LHX8: variants seen among roughly 807,000 people sequenced by gnomAD.
LHX8 encodes the protein LIM/homeobox protein Lhx8.
LHX8 carries 12 observed loss-of-function variants against 40.3 expected under a neutral mutation model. That is an observed-to-expected ratio of 0.30 (90% CI 0.19 to 0.48). The LOEUF is 0.48. Among genes scored for constraint, LHX8 ranks in the 20% least tolerant of loss-of-function variants. The pLI is 0.99. For synonymous variants in LHX8, 179 were observed against 162.0 expected (o/e 1.10, Z -0.80); for missense variants, 344 against 433.7 (o/e 0.79, Z 1.84).
At chr1:75,178,856 G>A in the LHX8 span, among the ~76,000 whole-genome samples, 1 of 152,196 alleles carries the variant, frequency 6.6e-6, no homozygotes, top group African/African-American at 2.4e-5. Flanking sequence ...TTCTCCCAGA[G>A]ATTCTGATAC....
chr1:75,179,708 A>T, the LHX8 span, among the ~76,000 whole-genome samples: 1 of 151,936 alleles, frequency 6.6e-6, no homozygotes, highest in Non-Finnish European at 1.5e-5. Flanking sequence ...TAATATTGTT[A>T]TGTGTGAATT....
downstream of LHX8, among the ~76,000 whole-genome samples, chr1:75,165,980 GA>G (rs534630397): frequency 2.8e-4 from 43 of 152,262 alleles, 1 homozygote; most frequent in Admixed American, 5.9e-4. Flanking sequence ...ACAGTAAAAG[GA>G]AAGTTTTTAT....
chr1:75,174,538 C>T, the LHX8 span, among the ~76,000 whole-genome samples: 8 of 152,296 alleles, frequency 5.3e-5, no homozygotes, highest in East Asian at 5.8e-4. Flanking sequence ...CACACACACA[C>T]GCCACAGCCA....
At position 75,161,392 on chromosome 1, in the gene LHX8, A is replaced by G. The variant is rs1648915059; in HGVS notation, c.*497A>G. The G allele has an allele frequency of 5.9e-6, 1 of 168,978 alleles. No homozygotes were observed. The highest frequency in any genetic ancestry group is 1.3e-5 in the Non-Finnish European group (1 of 78,664). The allele number at this position is 168,978 out of a possible 1,614,324, so 10.5% of individuals were successfully genotyped here. ...TTGCCAATGTTTTCTGAATGAACTG[A>G]ATAAAGCTTCTGTTGTAGCATGCCA... is the stretch of plus-strand genomic sequence containing the variant. On this transcript the variant is annotated 3_prime_UTR_variant, in exon 9 of 9. Transcript: ENST00000356261.
intron 4 of LHX8, 124 bp from the exon 5 acceptor site, chr1:75,142,994 C>T (rs1289142913): frequency 2.6e-6 from 2 of 757,490 alleles, no homozygotes; most frequent in South Asian, 1.6e-5. Context: ...TTGTTTCATT[C>T]TCACAATATT....
upstream of LHX8, chr1:75,130,432 G>T (rs1647931852): frequency 1.8e-6 from 1 of 548,932 alleles, no homozygotes; most frequent in African/African-American, 1.9e-5. Context: ...CGGGGCGGGT[G>T]GCGAAGGCAG....
intron 8 of LHX8, among the ~76,000 whole-genome samples, chr1:75,158,717 T>G (rs536708610): frequency 6.6e-6 from 1 of 152,170 alleles, no homozygotes; most frequent in Non-Finnish European, 1.5e-5. Flanking sequence ...GTCTATTTAT[T>G]TTTGTGTTGC....
At chr1:75,135,856 C>G (rs889996133) in intron 1 of LHX8, among the ~76,000 whole-genome samples, 2 of 152,126 alleles carry the variant, frequency 1.3e-5, no homozygotes, top group African/African-American at 4.8e-5. Context: ...CCTTTAGTAG[C>G]TCAAATGTTG....
chr1:75,134,523 T>C lies in LHX8; in HGVS notation c.-444T>C, dbSNP rs952957406. Reference sequence around the variant, plus strand: ...CATTATCCTTCTCGGCATCAGCTTTTATTAGTGGATCGGGGCGGGGGAGGG... The same window carrying C: ...CATTATCCTTCTCGGCATCAGCTTTCATTAGTGGATCGGGGCGGGGGAGGG... On this transcript the variant is annotated 5_prime_UTR_variant, in exon 1 of 9. Coordinates refer to ENST00000356261, the MANE Select transcript of LHX8 (RefSeq NM_001256114.2). 2.6e-4 allele frequency among the ~76,000 whole-genome samples: 39 copies of C among 151,316 alleles called. No homozygotes were observed. The highest frequency in any genetic ancestry group is 5.0e-4 in the Non-Finnish European group (34 of 67,900).
intron 8 of LHX8, among the ~76,000 whole-genome samples, chr1:75,158,848 A>C (rs1169170872): frequency 6.6e-6 from 1 of 152,070 alleles, no homozygotes; most frequent in African/African-American, 2.4e-5. Context: ...CATAAAATTT[A>C]CCTACTTGTC....
the LHX8 span, among the ~76,000 whole-genome samples, chr1:75,180,377 C>G: frequency 9.9e-5 from 15 of 152,254 alleles, no homozygotes; most frequent in South Asian, 3.1e-3. Flanking sequence ...TTCTTGGAGG[C>G]TTTGTTCATT....
At chr1:75,182,460 A>C in the LHX8 span, among the ~76,000 whole-genome samples, 1 of 136,098 alleles carries the variant, frequency 7.3e-6, no homozygotes, top group Admixed American at 8.6e-5. Flanking sequence ...CACAACCTCC[A>C]CCTCCTGGGT....
chr1:75,180,374 A>G, the LHX8 span, among the ~76,000 whole-genome samples: 161 of 152,278 alleles, frequency 1.1e-3, 3 homozygotes, highest in East Asian at 0.023. Flanking sequence ...TATTTCTTGG[A>G]GGCTTTGTTC....
the LHX8 span, among the ~76,000 whole-genome samples, chr1:75,170,870 T>G: frequency 6.6e-6 from 1 of 152,226 alleles, no homozygotes; most frequent in East Asian, 1.9e-4. Flanking sequence ...ATTTTTCTAG[T>G]GTCTGCTGTG....
chr1:75,178,027 A>G, the LHX8 span, among the ~76,000 whole-genome samples: 1 of 152,184 alleles, frequency 6.6e-6, no homozygotes, highest in African/African-American at 2.4e-5. Flanking sequence ...GATGAAGCCA[A>G]CTTGATCTTG....
At chr1:75,178,907 T>C in the LHX8 span, among the ~76,000 whole-genome samples, 1 of 152,252 alleles carries the variant, frequency 6.6e-6, no homozygotes, top group South Asian at 2.1e-4. Flanking sequence ...AACATCTTTA[T>C]TTCTGCCTTC....
chr1:75,193,566 A>G, the LHX8 span, among the ~76,000 whole-genome samples: 1 of 152,168 alleles, frequency 6.6e-6, no homozygotes, highest in Non-Finnish European at 1.5e-5. Context: ...TTTCCGTTTT[A>G]ATCTAATTTT....
the LHX8 span, among the ~76,000 whole-genome samples, chr1:75,182,424 A>C: frequency 5.5e-5 from 7 of 126,816 alleles, no homozygotes; most frequent in African/African-American, 1.2e-4. Context: ...CCCAAGCTGG[A>C]GTGCAATGGT....
Position 75,160,877 on chromosome 1 carries a change from G to T in LHX8, c.1023G>T (p.Leu341=), listed in dbSNP as rs867126189. ...TGTTACCCCATTCAATGACACAACT[G>T]CCAATAAGTCATACCTAATTCTTTT... The part of the protein sequence containing the change: ...QPLLPHSMTQ[L]PISHT The change falls in exon 9 of 9, where the codon CTG becomes CTT. Residue 341 remains leucine (L), a synonymous_variant. Transcript: ENST00000356261. 6.2e-7 allele frequency: 1 copy of T among 1,611,758 alleles called. No individual in the cohort carries two copies. Among genetic ancestry groups the T allele is most frequent in the Middle Eastern group, 1.7e-4 (1 of 6,060 alleles).
Sources: allele counts gnomAD v4.1 joint callset (sites outside exome capture counted in the v4.1 genomes callset), GRCh38; gene constraint gnomAD v4.1.1; transcripts MANE v1.5; gene names NCBI Gene and HGNC (gene_info 2026-07-23, HGNC 2026-07-21).